DCAF17: variants seen among roughly 807,000 people sequenced by gnomAD.
DCAF17 encodes the protein DDB1 and CUL4 associated factor 17, also known as DDB1- and CUL4-associated factor 17.
In DCAF17, 48 loss-of-function variants were observed where a neutral mutation model predicts 66.0. The ratio of observed to expected loss-of-function variants is 0.73; its 90% CI spans 0.58 to 0.92. The LOEUF is 0.92. DCAF17 is among the 40% of genes least tolerant of loss of function. The pLI is 0.00. For synonymous variants in DCAF17, 206 were observed against 214.6 expected, an observed-to-expected ratio of 0.96 and a Z score of 0.35; for missense variants, 562 against 622.8, an observed-to-expected ratio of 0.90 and a Z score of 1.04.
intron 6 of DCAF17, among the ~76,000 whole-genome samples, chr2:171,454,962 A>G (rs1314369418): frequency 6.8e-6 from 1 of 148,076 alleles, no homozygotes; most frequent in East Asian, 2.0e-4. Context: ...GCTTTTCTTT[A>G]TATATTTTCT....
At chr2:171,472,197 T>C (rs1388118410) in intron 9 of DCAF17, among the ~76,000 whole-genome samples, 1 of 152,124 alleles carries the variant, frequency 6.6e-6, no homozygotes, top group East Asian at 1.9e-4. Flanking sequence ...TGTTTTGTTT[T>C]GAGACAGGGT....
chr2:171,483,606 C>T lies in DCAF17; in HGVS notation c.*2492C>T, dbSNP rs1472284011. ...CGCTCTGTTTAGACAAATTAAGGCA[C>T]TTCACATTCTTCCACCAATTGAAAG... On this transcript the variant is annotated 3_prime_UTR_variant, in exon 14 of 14. Coordinates refer to ENST00000375255, the MANE Select transcript of DCAF17 (RefSeq NM_025000.4). The T allele has an allele frequency of 2.2e-6, 1 of 454,096 alleles. No individual in the cohort carries two copies. The highest frequency in any genetic ancestry group is 2.0e-5 in the African/African-American group (1 of 50,140). The allele number at this position is 454,096 out of a possible 1,614,324, so 28.1% of individuals were successfully genotyped here.
intron 5 of DCAF17, among the ~76,000 whole-genome samples, chr2:171,450,641 G>A (rs4668385): frequency 0.22 from 32,881 of 151,892 alleles, 3,680 homozygotes; most frequent in South Asian, 0.29. Context: ...TTTATACACC[G>A]GGACACCTAG....
rs1298308861 is a variant in DCAF17, at chr2:171,484,767, A to T, written c.*3653A>T. 1 of 453,904 alleles carries T rather than the reference A, an allele frequency of 2.2e-6. No homozygotes were observed. Among genetic ancestry groups the T allele is most frequent in the Non-Finnish European group, 4.4e-6 (1 of 226,768 alleles). 28.1% of individuals were successfully genotyped at this position (453,904 alleles called of 1,614,324 possible). A position where few individuals can be genotyped will look rare whatever the true frequency, so the allele number is the denominator to read the frequency against. ...TCTATCCCCTCCCCACCCCTCAGGT[A>T]TAACTACTGTTCTCATTCTTTTATA... On this transcript the variant is annotated 3_prime_UTR_variant, in exon 14 of 14. Coordinates refer to ENST00000375255, the MANE Select transcript of DCAF17 (RefSeq NM_025000.4).
rs1252006347 is a variant in DCAF17 at position 171,481,983 on chromosome 2, G to A, written c.*869G>A. 2.2e-6 allele frequency: 1 copy of A among 454,014 alleles called. No individual in the cohort carries two copies. The highest frequency in any genetic ancestry group is 1.6e-5 in the South Asian group (1 of 64,456). 28.1% of individuals were successfully genotyped at this position (454,014 alleles called of 1,614,324 possible). ...GTAGTTCTGTTTCCTGTAGAAAAGT[G>A]GATAAAGAGTCCCAGAAGAAGTTCT... On this transcript the variant is annotated 3_prime_UTR_variant, in exon 14 of 14. Coordinates refer to ENST00000375255, the MANE Select transcript of DCAF17 (RefSeq NM_025000.4).
intron 4 of DCAF17, among the ~76,000 whole-genome samples, chr2:171,449,219 G>C (rs1694811707): frequency 6.6e-6 from 1 of 152,148 alleles, no homozygotes; most frequent in Non-Finnish European, 1.5e-5. Context: ...TGTTGGCCAG[G>C]CTGGTCTCAA....
At chr2:171,464,640 A>G (rs553952238) in intron 8 of DCAF17, among the ~76,000 whole-genome samples, 1 of 152,294 alleles carries the variant, frequency 6.6e-6, no homozygotes, top group Admixed American at 6.5e-5. Context: ...ACACAAGTCA[A>G]CTCACAACAG....
chr2:171,460,632 G>A (rs906706200), intron 8 of DCAF17, among the ~76,000 whole-genome samples: 6 of 152,002 alleles, frequency 3.9e-5, no homozygotes, highest in South Asian at 2.1e-4. Flanking sequence ...TTGGGCTCAA[G>A]TGATCATCCT....
chr2:171,454,783 G>C (rs1404329705), intron 6 of DCAF17, among the ~76,000 whole-genome samples: 1 of 151,768 alleles, frequency 6.6e-6, no homozygotes, highest in Non-Finnish European at 1.5e-5. Flanking sequence ...TGTAGTCCCA[G>C]CTACTCGGGA....
intron 6 of DCAF17, among the ~76,000 whole-genome samples, chr2:171,456,259 G>A (rs1028187244): frequency 5.9e-5 from 9 of 151,766 alleles, no homozygotes; most frequent in African/African-American, 1.7e-4. Flanking sequence ...GCACCACAGG[G>A]AATCCTTTCC....
At chr2:171,445,988 CT>C in intron 3 of DCAF17, among the ~76,000 whole-genome samples, 1 of 152,034 alleles carries the variant, frequency 6.6e-6, no homozygotes, top group East Asian at 1.9e-4. Flanking sequence ...CAGCCAAAAA[CT>C]TTTAAATCTT....
intron 5 of DCAF17, 128 bp downstream of exon 5, chr2:171,450,085 A>G (rs1377431583): frequency 1.3e-6 from 1 of 785,440 alleles, no homozygotes; most frequent in African/African-American, 1.7e-5. Context: ...ATTCACGGCA[A>G]CCTGGATGGG....
chr2:171,448,608 C>A, intron 3 of DCAF17, 73 bp from the exon 4 acceptor site: 1 of 1,354,852 alleles, frequency 7.4e-7, no homozygotes, highest in Non-Finnish European at 9.9e-7. Context: ...TAGCTATTTT[C>A]TTTGGACATT....
chr2:171,484,079 T>G lies in DCAF17; in HGVS notation c.*2965T>G, dbSNP rs762585568. On this transcript the variant is annotated 3_prime_UTR_variant, in exon 14 of 14. Transcript: ENST00000375255. The stretch of plus-strand genomic sequence containing the variant: ...ACACATAAATTGACAGAAAATGTAG[T>G]TCTTCATTCAATGGTTAGCAGTCAT... 6.6e-6 allele frequency: 3 copies of G among 453,978 alleles called. No homozygotes were observed. The highest frequency in any genetic ancestry group is 6.0e-5 in the African/African-American group (3 of 50,020). 28.1% of individuals were successfully genotyped at this position (453,978 alleles called of 1,614,324 possible).
intron 10 of DCAF17, chr2:171,474,226 GC>G (rs1696393270): frequency 4.0e-6 from 2 of 498,876 alleles, no homozygotes; most frequent in African/African-American, 3.9e-5. Flanking sequence ...TTACAGACTG[GC>G]CCTTTCTCAT....
At chr2:171,478,204 C>T (rs542529090) in intron 12 of DCAF17, 134 bp downstream of exon 12, 32 of 746,502 alleles carry the variant, frequency 4.3e-5, no homozygotes, top group East Asian at 8.0e-5. Context: ...GGTGGGGTTG[C>T]GCATGCTATT....
Position 171,481,501 on chromosome 2 carries a change from CAG to C in DCAF17, c.*388_*389del, listed in dbSNP as rs747147998. On this transcript the variant is annotated 3_prime_UTR_variant, in exon 14 of 14. Coordinates refer to ENST00000375255, the MANE Select transcript of DCAF17 (RefSeq NM_025000.4). ...TTTTGTTTGTTAAGGCTAGGAAAGA[CAG>C]GGAGAGACAAAAGTAAACATGCAGA... 1.1e-5 allele frequency: 5 copies of C among 455,994 alleles called. No individual in the cohort carries two copies. Among genetic ancestry groups the C allele is most frequent in the Admixed American group, 4.7e-5 (2 of 42,564 alleles). The allele number at this position is 455,994 out of a possible 1,614,324, so 28.2% of individuals were successfully genotyped here.
chr2:171,449,941 C>T lies in DCAF17; in HGVS notation c.521C>T (p.Ser174Leu). ...IAVKSAQNRG[S>L]AVARQAGIQQ... Reference sequence around the variant, plus strand: ...GTTAAGTCAGCTCAGAACAGAGGCTCAGCAGTGGCCCGGCAGGTATACATA... The same window carrying T: ...GTTAAGTCAGCTCAGAACAGAGGCTTAGCAGTGGCCCGGCAGGTATACATA... Residue 174 changes from serine to leucine, a missense_variant, in exon 5 of 14, where the codon TCA becomes TTA. Physicochemically the swap from Ser to Leu is moderately radical, Grantham distance 145. This residue lies in a region of DCAF17 where 348 missense variants were observed against 355.9 expected (regional missense o/e 0.98). Coordinates refer to ENST00000375255, the MANE Select transcript of DCAF17 (RefSeq NM_025000.4). 6.2e-7 allele frequency: 1 copy of T among 1,613,620 alleles called. No individual in the cohort carries two copies. Among genetic ancestry groups the T allele is most frequent in the African/African-American group, 1.3e-5 (1 of 75,024 alleles).
intron 12 of DCAF17, among the ~76,000 whole-genome samples, chr2:171,478,380 A>C (rs147879973): frequency 6.6e-6 from 1 of 152,284 alleles, no homozygotes; most frequent in Non-Finnish European, 1.5e-5. Context: ...TTTTCTAGGG[A>C]AATCTCTTAA....
Sources: gnomAD v4.1 joint callset for allele counts (sites outside exome capture counted in the v4.1 genomes callset) on GRCh38, gnomAD v4.1.1 for gene constraint, gnomAD v4.1.1 regional missense constraint, MANE v1.5 for transcripts, NCBI Gene and HGNC (gene_info 2026-07-23, HGNC 2026-07-21) for gene names.